Variants in HDAC9 observed in about 807,000 individuals in gnomAD.
HDAC9 encodes the protein MEF-2 interacting transcription repressor (MITR) protein.
Under a neutral mutation model 139.4 loss-of-function variants are expected in HDAC9, and 41 were observed. The observed-to-expected ratio is 0.29, with a 90% CI of 0.23 to 0.38. The LOEUF is 0.38. Among genes scored for constraint, HDAC9 ranks in the 10% least tolerant of loss-of-function variants. The probability of loss-of-function intolerance (pLI) is 1.00; values close to 1 mark genes in which losing one functional copy is unlikely to be tolerated. For missense variants in HDAC9, 1,147 were observed against 1,297.0 expected, an observed-to-expected ratio of 0.88 and a Z score of 1.78; for synonymous variants, 517 against 476.2, an observed-to-expected ratio of 1.09 and a Z score of -1.12.
At chr7:18,250,105 A>G (rs1794823645) in intron 2 of HDAC9, among the ~76,000 whole-genome samples, 1 of 152,198 alleles carries the variant, frequency 6.6e-6, no homozygotes, top group South Asian at 2.1e-4. Context: ...AAGGAAAACC[A>G]TACCTTATTT....
At chr7:18,472,428 C>T (rs750818703) in intron 1 of HDAC9, among the ~76,000 whole-genome samples, 7 of 152,122 alleles carry the variant, frequency 4.6e-5, no homozygotes, top group South Asian at 2.1e-4. Flanking sequence ...CTCCCACATG[C>T]GCAACCCCCG....
At chr7:18,618,700 A>T (rs1839359148) in intron 6 of HDAC9, among the ~76,000 whole-genome samples, 1 of 142,048 alleles carries the variant, frequency 7.0e-6, no homozygotes, top group African/African-American at 2.5e-5. Flanking sequence ...AATGGTATAT[A>T]AAAGATATAT....
intron 16 of HDAC9, among the ~76,000 whole-genome samples, chr7:18,773,067 C>T (rs1275419912): frequency 6.6e-6 from 1 of 151,936 alleles, no homozygotes; most frequent in African/African-American, 2.4e-5. Context: ...ATGTCCATTG[C>T]AGGAAAGAAG....
rs371349926 is a variant in HDAC9 at position 18,762,207 on chromosome 7, T to C, written c.2094T>C (p.Ser698=). 7 of 1,613,696 alleles carry C rather than the reference T, an allele frequency of 4.3e-6. No individual in the cohort carries two copies. In the South Asian group the frequency reaches 4.4e-5, roughly 10 times the overall value. ...ASLEEIQLVH[S]EHHSLLYGTN... ...TGGAGGAAATACAGCTTGTTCATTC[T>C]GAACATCACTCACTGTTGTATGGCA... Residue 698 remains serine, a synonymous_variant, in exon 15 of 26, where the codon TCT becomes TCC. Coordinates refer to ENST00000686413, the MANE Select transcript of HDAC9 (RefSeq NM_178425.4).
intron 1 of HDAC9, among the ~76,000 whole-genome samples, chr7:18,456,656 A>G (rs1793379544): frequency 6.6e-6 from 1 of 152,152 alleles, no homozygotes. Flanking sequence ...ACTAAATTTA[A>G]GGTTTGGCCT....
chr7:18,762,623 C>T (rs1789489755), intron 15 of HDAC9, among the ~76,000 whole-genome samples: 1 of 152,172 alleles, frequency 6.6e-6, no homozygotes, highest in African/African-American at 2.4e-5. Flanking sequence ...ATGCAAATTT[C>T]TCTTCACCGT....
chr7:18,828,240 G>A (rs900483720), intron 17 of HDAC9, among the ~76,000 whole-genome samples: 8 of 152,092 alleles, frequency 5.3e-5, no homozygotes, highest in Admixed American at 3.9e-4. Flanking sequence ...AAAAGTTTTA[G>A]GATTGTGTAT....
intron 25 of HDAC9, among the ~76,000 whole-genome samples, chr7:18,980,688 GTTCTTCTTCC>G (rs1187586336): frequency 2.0e-4 from 29 of 141,756 alleles, no homozygotes; most frequent in South Asian, 1.3e-3. Flanking sequence ...TGTTCTTCTT[GTTCTTCTTCC>G]TTCTTCTTCC....
chr7:18,802,693 G>A (rs969084360), intron 17 of HDAC9, among the ~76,000 whole-genome samples: 3 of 151,360 alleles, frequency 2.0e-5, no homozygotes, highest in African/African-American at 7.3e-5. Context: ...CTGTTATTAG[G>A]TACAGTAAAA....
intron 2 of HDAC9, among the ~76,000 whole-genome samples, chr7:18,553,001 T>A (rs776024755): frequency 3.9e-5 from 6 of 152,224 alleles, no homozygotes; most frequent in Non-Finnish European, 7.3e-5. Flanking sequence ...ATTAACTCTT[T>A]GAACCTTTTA....
chr7:18,588,622 CTG>C (rs1830091911), intron 3 of HDAC9, among the ~76,000 whole-genome samples: 1 of 152,184 alleles, frequency 6.6e-6, no homozygotes, highest in African/African-American at 2.4e-5. Flanking sequence ...TTTGGCATCA[CTG>C]TTGTTGCTGA....
At chr7:18,132,386 C>A (rs1785072021) in intron 1 of HDAC9, among the ~76,000 whole-genome samples, 1 of 152,024 alleles carries the variant, frequency 6.6e-6, no homozygotes, top group African/African-American at 2.4e-5. Flanking sequence ...TGATTGAAGT[C>A]TTTTTTTCTT....
intron 12 of HDAC9, among the ~76,000 whole-genome samples, chr7:18,674,899 A>C (rs1781403377): frequency 6.6e-6 from 1 of 151,968 alleles, no homozygotes; most frequent in South Asian, 2.1e-4. Context: ...AACAGTACTC[A>C]CACCATATTA....
chr7:18,399,316 A>AG (rs1787328511), intron 1 of HDAC9, among the ~76,000 whole-genome samples: 2 of 152,224 alleles, frequency 1.3e-5, no homozygotes, highest in Middle Eastern at 3.4e-3. Context: ...TACAAGGGTG[A>AG]GGGTTATCCC....
intron 15 of HDAC9, 25 bp downstream of exon 15, chr7:18,762,302 G>A (rs1789458913): frequency 3.7e-6 from 6 of 1,612,300 alleles, no homozygotes; most frequent in Non-Finnish European, 4.2e-6. Flanking sequence ...CCACTGTACT[G>A]GGAACAGCAC....
chr7:18,168,926 T>TGCGCGC (rs1554318239), intron 2 of HDAC9, among the ~76,000 whole-genome samples: 4 of 129,980 alleles, frequency 3.1e-5, no homozygotes, highest in African/African-American at 1.2e-4. Context: ...TGTGTGTGTG[T>TGCGCGC]GCGCGCATGT....
At chr7:18,570,680 C>G (rs1468061503) in intron 2 of HDAC9, among the ~76,000 whole-genome samples, 3 of 152,092 alleles carry the variant, frequency 2.0e-5, no homozygotes. Flanking sequence ...TCTGTGGCCT[C>G]CATTTTCCTC....
At chr7:18,529,620 C>T (rs946159075) in intron 2 of HDAC9, among the ~76,000 whole-genome samples, 13 of 152,096 alleles carry the variant, frequency 8.5e-5, no homozygotes, top group Admixed American at 4.6e-4. Context: ...GTGTGTATTT[C>T]GTGTATTTAT....
chr7:18,176,908 A>G (rs951387894), intron 2 of HDAC9, among the ~76,000 whole-genome samples: 5 of 152,350 alleles, frequency 3.3e-5, no homozygotes, highest in South Asian at 2.1e-4. Flanking sequence ...TGGTATGTCA[A>G]TGAAAGAACC....
Sources: allele counts gnomAD v4.1 joint callset (sites outside exome capture counted in the v4.1 genomes callset), GRCh38; gene constraint gnomAD v4.1.1; transcripts MANE v1.5; gene names NCBI Gene and HGNC (gene_info 2026-07-23, HGNC 2026-07-21).